Variants in RYR3 observed in about 807,000 individuals in gnomAD.
RYR3 encodes ryanodine receptor 3, also known as brain ryanodine receptor-calcium release channel.
In RYR3, 207 loss-of-function variants were observed where a neutral mutation model predicts 584.3. The ratio of observed to expected loss-of-function variants is 0.35; its 90% confidence interval spans 0.32 to 0.40. The LOEUF (loss-of-function observed/expected upper bound fraction) is 0.40, where lower values mean the gene tolerates loss of function less well. Among genes scored for constraint, RYR3 ranks in the 10% least tolerant of loss-of-function variants. The pLI is 1.00. For synonymous variants in RYR3, 2,416 were observed against 2,248.5 expected, an observed-to-expected ratio of 1.07 and a Z score of -2.11; for missense variants, 5,616 against 6,089.2, an observed-to-expected ratio of 0.92 and a Z score of 2.59.
rs2062156103 is a variant in RYR3, at chr15:33,647,321, C to A, written c.3942-103C>A. 4 of 891,512 alleles carry A rather than the reference C, an allele frequency of 4.5e-6. No individual in the cohort carries two copies. In the South Asian group the frequency reaches 6.1e-5, roughly 14 times the overall value. 55.2% of individuals were successfully genotyped at this position (891,512 alleles called of 1,614,324 possible). A position where few individuals can be genotyped will look rare whatever the true frequency, so the allele number is the denominator to read the frequency against. ...CTTGTGTTTAGGGAGTAGCCAGTTT[C>A]CTAAACTTGACTTGATCATTGAAGG... On this transcript the variant is annotated intron_variant, in intron 29 of 103. Transcript: ENST00000634891.
intron 32 of RYR3, among the ~76,000 whole-genome samples, chr15:33,654,230 C>T (rs945600698): frequency 2.0e-5 from 3 of 152,008 alleles, no homozygotes; most frequent in Non-Finnish European, 2.9e-5. Context: ...AGCGTTTTTA[C>T]GGGCCAGGCA....
chr15:33,371,196 G>C (rs553745685), intron 1 of RYR3, among the ~76,000 whole-genome samples: 11 of 152,348 alleles, frequency 7.2e-5, no homozygotes, highest in Non-Finnish European at 1.3e-4. Flanking sequence ...AGGAGGTAAA[G>C]TGGCTGAGAA....
In RYR3 at chr15:33,512,073, C is replaced by T. The variant is rs534746405; in HGVS notation, c.279+8335C>T. Among the ~76,000 whole-genome samples the T allele has an allele frequency of 8.5e-4, 130 of 152,278 alleles. 1 individual carries two copies. Among genetic ancestry groups the T allele is most frequent in the African/African-American group, 2.6e-3 (107 of 41,578 alleles). The stretch of plus-strand genomic sequence containing the variant: ...GATTACAGGCGTGAGCCACCGCGCC[C>T]GGCTGCAAGTTGTTTTTAAAGCCTC... On this transcript the variant is annotated intron_variant, in intron 3 of 103. Coordinates refer to ENST00000634891, the MANE Select transcript of RYR3 (RefSeq NM_001036.6).
rs370195864 is a variant in RYR3 at position 33,352,351 on chromosome 15, C to T, written c.51+41255C>T. 4.6e-5 allele frequency among the ~76,000 whole-genome samples: 7 copies of T among 152,132 alleles called. No individual in the cohort carries two copies. In the South Asian group the frequency reaches 1.5e-3, roughly 32 times the overall value. On this transcript the variant is annotated intron_variant, in intron 1 of 103. Coordinates refer to ENST00000634891, the MANE Select transcript of RYR3 (RefSeq NM_001036.6). ...ATTTTATGGCCATTTTCTTTACTCT[C>T]AGAGAATAGCTCTGAGAATTAGGGT...
At chr15:33,549,666 G>C (rs1277128333) in intron 9 of RYR3, among the ~76,000 whole-genome samples, 1 of 152,094 alleles carries the variant, frequency 6.6e-6, no homozygotes. Flanking sequence ...ATAATTCATT[G>C]TTGACTTATT....
intron 2 of RYR3, among the ~76,000 whole-genome samples, chr15:33,486,302 C>G (rs1053009195): frequency 2.0e-5 from 3 of 152,142 alleles, no homozygotes; most frequent in Non-Finnish European, 2.9e-5. Flanking sequence ...AGGATACTTC[C>G]TTGCCCATTC....
intron 1 of RYR3, among the ~76,000 whole-genome samples, chr15:33,377,942 A>C (rs1317258301): frequency 6.6e-6 from 1 of 151,904 alleles, no homozygotes; most frequent in Non-Finnish European, 1.5e-5. Context: ...AACTAACCTC[A>C]GCTAATTTTT....
chr15:33,861,325 CTG>C, intron 102 of RYR3, 147 bp downstream of exon 102: 1 of 575,900 alleles, frequency 1.7e-6, no homozygotes, highest in East Asian at 3.1e-5. Flanking sequence ...TCCATAGACT[CTG>C]TCTCTCCCAT....
intron 21 of RYR3, 156 bp from the exon 22 acceptor site, chr15:33,629,782 TAG>T: frequency 1.8e-6 from 1 of 570,850 alleles, no homozygotes; most frequent in Non-Finnish European, 3.1e-6. Flanking sequence ...TCTCATTGAC[TAG>T]AGAGATCATC....
intron 43 of RYR3, among the ~76,000 whole-genome samples, chr15:33,710,695 G>A (rs539167063): frequency 2.3e-4 from 35 of 152,308 alleles, no homozygotes; most frequent in Admixed American, 1.3e-3. Context: ...TGAAATCTAG[G>A]TGGAAGCTGA....
intron 37 of RYR3, 31 bp from the exon 38 acceptor site, chr15:33,670,388 T>TAA: frequency 6.2e-7 from 1 of 1,610,948 alleles, no homozygotes; most frequent in Non-Finnish European, 8.5e-7. Flanking sequence ...TGCACTGCTT[T>TAA]GGATTTTCAC....
At chr15:33,521,375 A>C (rs17817256) in intron 3 of RYR3, among the ~76,000 whole-genome samples, 1 of 152,118 alleles carries the variant, frequency 6.6e-6, no homozygotes, top group African/African-American at 2.4e-5. Flanking sequence ...TCCATGTGGC[A>C]GTGAAACTAA....
At chr15:33,462,499 T>C (rs2048123717) in intron 1 of RYR3, among the ~76,000 whole-genome samples, 1 of 152,184 alleles carries the variant, frequency 6.6e-6, no homozygotes, top group Non-Finnish European at 1.5e-5. Flanking sequence ...AGGATAAGTA[T>C]TGTTAGAAGA....
chr15:33,652,949 G>C (rs2062576908), intron 32 of RYR3, 66 bp downstream of exon 32: 1 of 1,487,494 alleles, frequency 6.7e-7, no homozygotes, highest in Non-Finnish European at 9.1e-7. Context: ...TGTGTTCCTT[G>C]TTCTCCGTAC....
chr15:33,515,033 A>G (rs2053390444), intron 3 of RYR3, among the ~76,000 whole-genome samples: 3 of 152,190 alleles, frequency 2.0e-5, no homozygotes, highest in Admixed American at 6.5e-5. Context: ...TATGTTAAAC[A>G]ATTTTATAGT....
At chr15:33,825,784 C>T in intron 82 of RYR3, 108 bp downstream of exon 82, 1 of 668,032 alleles carries the variant, frequency 1.5e-6, no homozygotes, top group Admixed American at 3.2e-5. Context: ...TCAGGCTGGA[C>T]TGCAGTGGCG....
At chr15:33,792,071 A>G (rs2075194368) in intron 67 of RYR3, among the ~76,000 whole-genome samples, 1 of 152,196 alleles carries the variant, frequency 6.6e-6, no homozygotes, top group South Asian at 2.1e-4. Context: ...ATGGAGCTGG[A>G]AAATCATAAA....
At chr15:33,675,505 A>G (rs560011982) in intron 38 of RYR3, among the ~76,000 whole-genome samples, 1 of 152,292 alleles carries the variant, frequency 6.6e-6, no homozygotes, top group East Asian at 1.9e-4. Context: ...AACAGTACTG[A>G]GATAGTTATG....
chr15:33,327,739 T>C (rs1969901222), intron 1 of RYR3, among the ~76,000 whole-genome samples: 1 of 152,192 alleles, frequency 6.6e-6, no homozygotes, highest in Non-Finnish European at 1.5e-5. Context: ...CCTCCCCATC[T>C]CTATCTCTCT....
Sources: gnomAD v4.1 joint callset for allele counts (sites outside exome capture counted in the v4.1 genomes callset) on GRCh38, gnomAD v4.1.1 for gene constraint, MANE v1.5 for transcripts, NCBI Gene and HGNC (gene_info 2026-07-23, HGNC 2026-07-21) for gene names.